Variants in SUCO observed in about 807,000 individuals in gnomAD.
The protein encoded by SUCO is SUN domain containing ossification factor.
A neutral mutation model predicts 148.1 loss-of-function variants in SUCO; 57 were observed. That is an observed-to-expected ratio of 0.38 (90% confidence interval 0.31 to 0.48). SUCO has a LOEUF of 0.48. Among genes scored for constraint, SUCO ranks in the 20% least tolerant of loss-of-function variants. The pLI, the probability that SUCO is intolerant of heterozygous loss-of-function variation, is 0.96. For synonymous variants in SUCO, 470 were observed against 502.7 expected, an observed-to-expected ratio of 0.93 and a Z score of 0.87; for missense variants, 1,331 against 1,468.2, an observed-to-expected ratio of 0.91 and a Z score of 1.53.
At chr1:172,549,888 A>AG (rs199546773) in intron 1 of SUCO, among the ~76,000 whole-genome samples, 3,944 of 19,876 alleles carry the variant, frequency 0.2, 150 homozygotes, top group African/African-American at 0.33. Context: ...ACCTTCCTTC[A>AG]GGGAAAAAAA....
rs779407110 is a variant in SUCO at position 172,589,901 on chromosome 1, C to T, written c.2800C>T (p.Arg934Cys). 1 of 1,522,112 alleles carries T rather than the reference C, an allele frequency of 6.6e-7. No homozygotes were observed. Among genetic ancestry groups the T allele is most frequent in the Non-Finnish European group, 8.7e-7 (1 of 1,144,954 alleles). 94.3% of individuals were successfully genotyped at this position (1,522,112 alleles called of 1,614,324 possible). A position where few individuals can be genotyped will look rare whatever the true frequency, so the allele number is the denominator to read the frequency against. The change falls in exon 18 of 24, where the codon CGC (arginine) becomes TGC (cysteine). Residue 934 changes from arginine (R) to cysteine (C), a missense_variant. Coordinates refer to ENST00000263688, the MANE Select transcript of SUCO (RefSeq NM_014283.5). ...AGAAGTTAACATGTCTCTCAGTGGTCGCTATCTGGAGGAGCTTAGCCAAAG... is the reference window on the plus strand; with the variant it reads ...AGAAGTTAACATGTCTCTCAGTGGTTGCTATCTGGAGGAGCTTAGCCAAAG... ...ALEVNMSLSG[R>C]YLEELSQRYR...
Position 172,588,828 on chromosome 1 carries a change from C to T in SUCO, c.1727C>T (p.Pro576Leu). Residue 576 changes from proline to leucine, a missense_variant, in exon 18 of 24, where the codon CCC becomes CTC. Physicochemically the swap from Pro to Leu is moderately conservative, Grantham distance 98. Around this residue, in one of 3 missense-constraint regions of SUCO, gnomAD observed 992 missense variants for 1,093.5 expected, o/e 0.91. Transcript: ENST00000263688. ...ACACCAGATACTCCAAAAGAGAGTC[C>T]CATTGTACAGTTAGTTCAAGAGGAG... ...PSTPDTPKES[P>L]IVQLVQEEEE... is the part of the protein sequence containing the mutation. 1 of 1,608,956 alleles carries T rather than the reference C, an allele frequency of 6.2e-7. No homozygotes were observed. Among genetic ancestry groups the T allele is most frequent in the Non-Finnish European group, 8.5e-7 (1 of 1,177,694 alleles).
chr1:172,569,214 T>C, intron 7 of SUCO, 72 bp downstream of exon 7: 1 of 1,262,832 alleles, frequency 7.9e-7, no homozygotes. Context: ...TTTCTTTTTT[T>C]GATTGGTAAA....
rs377350817 is a variant in SUCO, at chr1:172,602,235, A to G, written c.3173+17A>G. 3.2e-6 allele frequency: 5 copies of G among 1,563,286 alleles called. No individual in the cohort carries two copies. Among genetic ancestry groups the G allele is most frequent in the Non-Finnish European group, 4.3e-6 (5 of 1,153,860 alleles). ...CCCTAAAAGGTAATATCAGCATTAT[A>G]TTTCACAATTTTATTTTTTTTACTA... is the stretch of plus-strand genomic sequence containing the variant. On this transcript the variant is annotated intron_variant, in intron 21 of 23. Transcript: ENST00000263688.
At position 172,560,832 on chromosome 1, in the gene SUCO, T is replaced by A. The variant is rs143610917; in HGVS notation, c.732+3038T>A. On this transcript the variant is annotated intron_variant, in intron 6 of 23. Coordinates refer to ENST00000263688, the MANE Select transcript of SUCO (RefSeq NM_014283.5). The stretch of plus-strand genomic sequence containing the variant: ...TCGGGAGTCAGGAGTGGTTATGGGG[T>A]GTAACTTCTTCCCATTCATGGCCAC... Among the ~76,000 whole-genome samples, 23 of 152,252 alleles carry A rather than the reference T, an allele frequency of 1.5e-4. No individual in the cohort carries two copies. In the East Asian group the frequency reaches 4.4e-3, roughly 29 times the overall value.
Position 172,588,945 on chromosome 1 carries a change from T to C in SUCO, c.1844T>C (p.Ile615Thr), listed in dbSNP as rs1171883117. The C allele has an allele frequency of 6.2e-7, 1 of 1,611,544 alleles. No homozygotes were observed. Residue 615 changes from isoleucine (I) to threonine (T), a missense_variant, in exon 18 of 24, where the codon ATA becomes ACA. This residue lies in a region of SUCO where 992 missense variants were observed against 1,093.5 expected (regional missense o/e 0.91). Transcript: ENST00000263688. Reference sequence around the variant, plus strand: ...CCCTGGTTTGAGTCAGAGACACAAATATTTTGCAGTGAACTGACCACAATT... The same window carrying C: ...CCCTGGTTTGAGTCAGAGACACAAACATTTTGCAGTGAACTGACCACAATT... ...SSPWFESETQ[I>T]FCSELTTICC... is the part of the protein sequence containing the mutation.
chr1:172,592,352 A>G (rs1474930087), intron 19 of SUCO, among the ~76,000 whole-genome samples: 1 of 152,196 alleles, frequency 6.6e-6, no homozygotes, highest in East Asian at 1.9e-4. Context: ...GTCCTTGCCT[A>G]TGCCTATGTG....
intron 19 of SUCO, among the ~76,000 whole-genome samples, chr1:172,595,556 G>T (rs1026290624): frequency 1.6e-4 from 25 of 152,188 alleles, no homozygotes; most frequent in African/African-American, 5.8e-4. Flanking sequence ...GGCTGGATAT[G>T]AAGTTCTGGG....
At chr1:172,556,822 T>C (rs940019648) in intron 4 of SUCO, 5 of 807,836 alleles carry the variant, frequency 6.2e-6, no homozygotes, top group Non-Finnish European at 6.0e-6. Context: ...GTGAATGCTA[T>C]ACTCCCATTA....
At chr1:172,533,009 A>ACTT, upstream of SUCO, 1 of 1,422,334 alleles carries the variant, frequency 7.0e-7, no homozygotes, top group Non-Finnish European at 9.2e-7. Flanking sequence ...GCGCCGCGGG[A>ACTT]CTTGGGTGAC....
At chr1:172,609,387 C>T (rs549473167) in intron 23 of SUCO, 1 of 965,702 alleles carries the variant, frequency 1.0e-6, no homozygotes, top group East Asian at 1.1e-4. Context: ...AAGATTCATT[C>T]TCAACCCGGC....
At chr1:172,580,252 A>G (rs989800356) in intron 15 of SUCO, among the ~76,000 whole-genome samples, 1 of 151,972 alleles carries the variant, frequency 6.6e-6, no homozygotes, top group Non-Finnish European at 1.5e-5. Flanking sequence ...ACCTCAGTGG[A>G]CTTTTTAGGG....
In SUCO at chr1:172,600,123, G is replaced by A. The variant is rs771000398; in HGVS notation, c.2973G>A (p.Gln991=). Residue 991 remains glutamine, a synonymous_variant, in exon 20 of 24, where the codon CAG becomes CAA. Transcript: ENST00000263688. ...LLQAQLTNMT[Q]LVSNLSATVA... ...AGGCACAGCTGACCAACATGACACA[G>A]CTTGTTTCAAATTTATCAGCAACAG... is the stretch of plus-strand genomic sequence containing the variant. 11 of 1,611,264 alleles carry A rather than the reference G, an allele frequency of 6.8e-6. No individual in the cohort carries two copies. Among genetic ancestry groups the A allele is most frequent in the African/African-American group, 2.7e-5 (2 of 74,780 alleles).
intron 10 of SUCO, chr1:172,574,948 A>G: frequency 3.2e-6 from 3 of 937,716 alleles, no homozygotes; most frequent in Non-Finnish European, 3.8e-6. Flanking sequence ...ATGTCAAATG[A>G]ACATACACAG....
chr1:172,596,854 G>T (rs1657139318), intron 19 of SUCO, among the ~76,000 whole-genome samples: 1 of 152,232 alleles, frequency 6.6e-6, no homozygotes, highest in South Asian at 2.1e-4. Flanking sequence ...AATTTCTGCT[G>T]CCTTTTGTTC....
At chr1:172,592,199 G>C (rs1453385156) in intron 19 of SUCO, among the ~76,000 whole-genome samples, 1 of 152,172 alleles carries the variant, frequency 6.6e-6, no homozygotes, top group Non-Finnish European at 1.5e-5. Flanking sequence ...TGGGTAGATT[G>C]CAAAAATTTT....
chr1:172,570,730 G>A lies in SUCO; in HGVS notation c.1049G>A (p.Trp350Ter). ...TTGAATCCTTGCAGCACTAAAATTT[G>A]GTGAGTTATACACAATTTTAAAAAG... ...YMLNPCSTKI[W>*]FVIELCEPIQ... The change falls in exon 9 of 24, where the codon TGG becomes TAG. Residue 350 changes from tryptophan (W) to a stop codon, truncating the protein, a stop_gained and splice_region_variant. Transcript: ENST00000263688. LOFTEE classifies it high-confidence loss of function. 6.3e-7 allele frequency: 1 copy of A among 1,593,616 alleles called. No individual in the cohort carries two copies. The highest frequency in any genetic ancestry group is 8.6e-7 in the Non-Finnish European group (1 of 1,162,490).
At position 172,556,641 on chromosome 1, in the gene SUCO, G is replaced by A. The variant is rs571656504; in HGVS notation, c.443+618G>A. On this transcript the variant is annotated intron_variant, in intron 4 of 23. Coordinates refer to ENST00000263688, the MANE Select transcript of SUCO (RefSeq NM_014283.5). ...AATAACTGGTACATAACTCAAGAAT[G>A]TAAGGGCCTGGGTTGAAGGAGTTGC... 30 of 984,844 alleles carry A rather than the reference G, an allele frequency of 3.0e-5. No individual in the cohort carries two copies. The Middle Eastern group carries it at 1.5e-3, about 51-fold the overall frequency. The allele number at this position is 984,844 out of a possible 1,614,324, so 61.0% of individuals were successfully genotyped here.
intron 1 of SUCO, chr1:172,543,010 T>A: frequency 1.6e-5 from 16 of 985,266 alleles, no homozygotes; most frequent in Non-Finnish European, 1.9e-5. Context: ...ACACATTTGT[T>A]TGGTAGCCAG....
Sources: gnomAD v4.1 joint callset for allele counts (sites outside exome capture counted in the v4.1 genomes callset) on GRCh38, gnomAD v4.1.1 for gene constraint, gnomAD v4.1.1 regional missense constraint, MANE v1.5 for transcripts, NCBI Gene and HGNC (gene_info 2026-07-23, HGNC 2026-07-21) for gene names.